The following PROM1 variants were observed in gnomAD, a reference collection of about 807,000 sequenced individuals.
PROM1 encodes the protein prominin-1.
PROM1 carries 105 observed loss-of-function variants against 116.9 expected under a neutral mutation model. That is an observed-to-expected ratio of 0.90 (90% CI 0.77 to 1.06). The LOEUF (loss-of-function observed/expected upper bound fraction) is 1.06. Ranked by LOEUF, PROM1 falls within the 50% of genes least tolerant of loss-of-function variation. The pLI is 0.00. For missense variants in PROM1, 1,122 were observed against 1,045.2 expected, an observed-to-expected ratio of 1.07 and a Z score of -1.01; for synonymous variants, 393 against 387.0, an observed-to-expected ratio of 1.02 and a Z score of -0.18.
At chr4:16,071,746 A>C (rs1742869608) in intron 2 of PROM1, among the ~76,000 whole-genome samples, 1 of 152,104 alleles carries the variant, frequency 6.6e-6, no homozygotes, top group Non-Finnish European at 1.5e-5. Context: ...AGCCTCCAGC[A>C]CTCTGAGAAA....
intron 12 of PROM1, among the ~76,000 whole-genome samples, chr4:16,008,538 T>G (rs1726083234): frequency 6.6e-6 from 1 of 152,282 alleles, no homozygotes; most frequent in African/African-American, 2.4e-5. Context: ...GATGTCCTTC[T>G]TAATTACTTT....
intron 1 of PROM1, among the ~76,000 whole-genome samples, chr4:16,077,003 A>G (rs957878153): frequency 6.6e-6 from 1 of 152,222 alleles, no homozygotes; most frequent in African/African-American, 2.4e-5. Context: ...GGTATTGTCC[A>G]AGGTTTCTCC....
At chr4:16,029,355 T>C (rs1274593821) in intron 5 of PROM1, among the ~76,000 whole-genome samples, 1 of 108,166 alleles carries the variant, frequency 9.2e-6, no homozygotes, top group African/African-American at 3.8e-5. Flanking sequence ...GGAAGTCAAG[T>C]CATGGTTTTT....
chr4:16,080,904 T>A (rs1307988238), intron 1 of PROM1, among the ~76,000 whole-genome samples: 1 of 152,188 alleles, frequency 6.6e-6, no homozygotes, highest in East Asian at 1.9e-4. Context: ...GGTCCTGTTC[T>A]GGCAGCCGCA....
chr4:16,070,414 C>T (rs1742547497), intron 2 of PROM1, among the ~76,000 whole-genome samples: 1 of 152,106 alleles, frequency 6.6e-6, no homozygotes, highest in Non-Finnish European at 1.5e-5. Flanking sequence ...GATGCAATCT[C>T]CTGTTTTCAA....
At chr4:16,006,454 C>G in intron 13 of PROM1, 84 bp downstream of exon 13, 2 of 1,443,174 alleles carry the variant, frequency 1.4e-6, no homozygotes, top group African/African-American at 2.8e-5. Flanking sequence ...CCAGAGGGCG[C>G]CGGGTTCATG....
intron 1 of PROM1, chr4:16,083,354 T>G (rs1578366103): frequency 2.9e-5 from 3 of 104,772 alleles, no homozygotes; most frequent in Non-Finnish European, 6.0e-5. Flanking sequence ...CCCGCCCCCA[T>G]CCCCAGTGGA....
chr4:15,992,264 T>C lies in PROM1; in HGVS notation c.1895A>G (p.Asp632Gly), dbSNP rs754826729. ...AACGIDRMNY[D>G]SYLAQTGKSP... Reference sequence around the variant, plus strand: ...GCGCCATACCTGAGCCAAGTAGCTGTCATAATTCATTCTGTCTATTCCACA... The same window carrying C: ...GCGCCATACCTGAGCCAAGTAGCTGCCATAATTCATTCTGTCTATTCCACA... The change falls in exon 17 of 28, where the codon GAC becomes GGC. Residue 632 changes from aspartate to glycine, a missense_variant. By Grantham distance (94) the Asp-to-Gly change is moderately conservative. Transcript: ENST00000447510. 8 of 1,613,822 alleles carry C rather than the reference T, an allele frequency of 5.0e-6. No homozygotes were observed. Among genetic ancestry groups the C allele is most frequent in the Non-Finnish European group, 6.8e-6 (8 of 1,179,874 alleles).
chr4:16,075,262 G>T lies in PROM1; in HGVS notation c.220+425C>A, dbSNP rs74561951. ...AATGTCAAAATTTGCATATTGTGGT[G>T]GGCAGAAGAGAGTTAAATTTTTAAG... On this transcript the variant is annotated intron_variant, in intron 2 of 27. Coordinates refer to ENST00000447510, the MANE Select transcript of PROM1 (RefSeq NM_006017.3). Among the ~76,000 whole-genome samples the T allele has an allele frequency of 3.4e-3, 521 of 152,244 alleles. 4 individuals carry two copies. The highest frequency in any genetic ancestry group is 5.5e-3 in the Non-Finnish European group (375 of 68,020).
chr4:16,039,715 C>CA (rs34158088), intron 2 of PROM1, among the ~76,000 whole-genome samples: 39,510 of 133,758 alleles, frequency 0.3, 5,625 homozygotes, highest in Admixed American at 0.36. Flanking sequence ...TCCAGACTGT[C>CA]AAAAAAAAAA....
At chr4:15,993,791 T>A (rs1421955135) in intron 16 of PROM1, among the ~76,000 whole-genome samples, 196 bp downstream of exon 16, 4 of 152,162 alleles carry the variant, frequency 2.6e-5, no homozygotes, top group African/African-American at 9.7e-5. Context: ...GAAAGACAAC[T>A]GGTCGGGCAG....
intron 13 of PROM1, among the ~76,000 whole-genome samples, chr4:16,001,442 G>C (rs1723818449): frequency 6.6e-6 from 1 of 152,156 alleles, no homozygotes; most frequent in South Asian, 2.1e-4. Flanking sequence ...GGCTTGGAGA[G>C]AGAAACAGCC....
At chr4:16,074,541 C>A (rs1055521049) in intron 2 of PROM1, among the ~76,000 whole-genome samples, 3 of 151,968 alleles carry the variant, frequency 2.0e-5, no homozygotes, top group Non-Finnish European at 4.4e-5. Flanking sequence ...TTTTTAACAG[C>A]AACATAAACA....
chr4:15,981,252 C>A (rs988855570), intron 23 of PROM1, among the ~76,000 whole-genome samples: 21 of 150,316 alleles, frequency 1.4e-4, no homozygotes, highest in African/African-American at 5.1e-4. Context: ...TGAGCCACCG[C>A]GCCTGGCTGA....
At chr4:16,047,993 G>A (rs1387504795) in intron 2 of PROM1, among the ~76,000 whole-genome samples, 1 of 152,142 alleles carries the variant, frequency 6.6e-6, no homozygotes, top group South Asian at 2.1e-4. Context: ...TCAAATAAAT[G>A]CCTTTTGAAA....
At chr4:15,987,101 C>A (rs2240686) in intron 20 of PROM1, among the ~76,000 whole-genome samples, 1 of 152,174 alleles carries the variant, frequency 6.6e-6, no homozygotes, top group Non-Finnish European at 1.5e-5. Flanking sequence ...CCCAGCCAGA[C>A]GACGATGTGT....
chr4:16,018,120 T>C (rs1274710948), intron 9 of PROM1, among the ~76,000 whole-genome samples: 3 of 152,226 alleles, frequency 2.0e-5, no homozygotes, highest in Non-Finnish European at 4.4e-5. Flanking sequence ...AGAACTCTCA[T>C]GAAGCGGTTC....
intron 15 of PROM1, among the ~76,000 whole-genome samples, chr4:15,994,365 A>T (rs527427559): frequency 3.1e-4 from 47 of 152,356 alleles, no homozygotes; most frequent in Admixed American, 1.3e-3. Flanking sequence ...AAGTTTACAG[A>T]TTGGGAAGAA....
intron 18 of PROM1, among the ~76,000 whole-genome samples, chr4:15,990,609 G>A (rs911726082): frequency 6.6e-6 from 1 of 152,292 alleles, no homozygotes; most frequent in East Asian, 1.9e-4. Flanking sequence ...AAGTAGTGAG[G>A]GTGCCCGCAC....
Sources: gnomAD v4.1 joint callset for allele counts (sites outside exome capture counted in the v4.1 genomes callset) on GRCh38, gnomAD v4.1.1 for gene constraint, MANE v1.5 for transcripts, NCBI Gene and HGNC (gene_info 2026-07-23, HGNC 2026-07-21) for gene names.